ZNF541: variants seen among roughly 807,000 people sequenced by gnomAD.
The protein encoded by ZNF541 is zinc finger protein 541.
Under a neutral mutation model 123.5 loss-of-function variants are expected in ZNF541, and 23 were observed. The ratio of observed to expected loss-of-function variants is 0.19; its 90% CI spans 0.13 to 0.26. The LOEUF (loss-of-function observed/expected upper bound fraction) is 0.26, where lower values mean the gene tolerates loss of function less well. ZNF541 is among the 10% of genes least tolerant of loss of function. The pLI is 1.00. For missense variants in ZNF541, 1,612 were observed against 1,789.9 expected, an observed-to-expected ratio of 0.90 and a Z score of 1.79; for synonymous variants, 751 against 754.5, an observed-to-expected ratio of 1.00 and a Z score of 0.08.
At chr19:47,552,441 T>C (rs182910116) in intron 3 of ZNF541, among the ~76,000 whole-genome samples, 80 of 152,072 alleles carry the variant, frequency 5.3e-4, no homozygotes, top group African/African-American at 1.9e-3. Flanking sequence ...CTATAATGAG[T>C]AGTCAAATAA....
In ZNF541 at chr19:47,545,413, G is replaced by A. The variant is rs780411072; in HGVS notation, c.1116C>T (p.Thr372=). 6.7e-7 allele frequency: 1 copy of A among 1,494,500 alleles called. No individual in the cohort carries two copies. Among genetic ancestry groups the A allele is most frequent in the South Asian group, 1.3e-5 (1 of 76,078 alleles). The allele number at this position is 1,494,500 out of a possible 1,614,324, so 92.6% of individuals were successfully genotyped here. Residue 372 remains threonine, a synonymous_variant, in exon 5 of 17, where the codon ACC becomes ACT. Coordinates refer to ENST00000391901, the MANE Select transcript of ZNF541 (RefSeq NM_001277075.3). This position sits in a 1 kb window ranked among gnomAD's most constrained non-coding sequence, Gnocchi z 7.5. The part of the protein sequence containing the change: ...APDPPEPEPD[T]ALLQARSTAE... ...CGGTGGACCGGGCCTGGAGCAGCGC[G>A]GTATCTGGCTCCGGCTCTGGCGGGT...
intron 12 of ZNF541, among the ~76,000 whole-genome samples, chr19:47,530,433 G>A (rs1300138668): frequency 1.4e-5 from 2 of 144,296 alleles, no homozygotes; most frequent in Admixed American, 7.3e-5. Flanking sequence ...ATCCACCCCC[G>A]CCTTGGCCTC....
Position 47,545,202 on chromosome 19 carries a change from C to G in ZNF541, c.1327G>C (p.Glu443Gln). The change falls in exon 5 of 17, where the codon GAG becomes CAG. Residue 443 changes from glutamate to glutamine, a missense_variant. Glu to Gln is a conservative substitution (Grantham distance 29). This residue lies in a region of ZNF541 where 1,080 missense variants were observed against 1,013.8 expected (regional missense o/e 1.07). Transcript: ENST00000391901. The surrounding 1 kb of genome is among the most constrained non-coding windows in gnomAD (Gnocchi z 7.5). ...VHKPSAVPSR[E>Q]GSESGPGPSS... ...GGTCCCGGGCCAGACTCGGAGCCCTCCCGCGAGGGCACGGCCGAGGGCTTG... is the reference window on the plus strand; with the variant it reads ...GGTCCCGGGCCAGACTCGGAGCCCTGCCGCGAGGGCACGGCCGAGGGCTTG... 1 of 1,526,718 alleles carries G rather than the reference C, an allele frequency of 6.5e-7. No homozygotes were observed. Among genetic ancestry groups the G allele is most frequent in the Non-Finnish European group, 8.8e-7 (1 of 1,135,364 alleles). The allele number at this position is 1,526,718 out of a possible 1,614,324, so 94.6% of individuals were successfully genotyped here. A position where few individuals can be genotyped will look rare whatever the true frequency, so the allele number is the denominator to read the frequency against.
chr19:47,522,143 AC>A, intron 14 of ZNF541, 149 bp from the exon 15 acceptor site: 1 of 1,066,508 alleles, frequency 9.4e-7, no homozygotes, highest in Non-Finnish European at 1.3e-6. Flanking sequence ...AAGGCACAGG[AC>A]CACAAAATCC....
At chr19:47,538,975 A>G (rs1969956654) in intron 8 of ZNF541, among the ~76,000 whole-genome samples, 1 of 151,354 alleles carries the variant, frequency 6.6e-6, no homozygotes, top group Non-Finnish European at 1.5e-5. Flanking sequence ...TGCCAGCCCT[A>G]CTCCTCCTCA....
At chr19:47,538,513 G>C (rs1163012156) in intron 8 of ZNF541, 74 bp from the exon 9 acceptor site, 6 of 1,402,586 alleles carry the variant, frequency 4.3e-6, no homozygotes, top group East Asian at 2.6e-5. Context: ...GATGGAAAGA[G>C]AGCAGGAAAA....
rs2123161156 is a variant in ZNF541 at position 47,545,784 on chromosome 19, G to A, written c.745C>T (p.Pro249Ser). ...AGGGACCGCAGGCTGCTGGGGGGCG[G>A]CTGGCCGGCCGACTCGTGGGCGTGG... Reference protein sequence around the residue: ...SPHAHESAGQPPPSSLRSLVP... With the variant: ...SPHAHESAGQSPPSSLRSLVP... Residue 249 changes from proline to serine, a missense_variant, in exon 5 of 17, where the codon CCG becomes TCG. This residue lies in a region of ZNF541 where 1,080 missense variants were observed against 1,013.8 expected (regional missense o/e 1.07). Coordinates refer to ENST00000391901, the MANE Select transcript of ZNF541 (RefSeq NM_001277075.3). This position sits in a 1 kb window ranked among gnomAD's most constrained non-coding sequence, Gnocchi z 7.5. 2 of 1,540,608 alleles carry A rather than the reference G, an allele frequency of 1.3e-6. No homozygotes were observed. Among genetic ancestry groups the A allele is most frequent in the East Asian group, 2.5e-5 (1 of 40,748 alleles).
rs1361167800 is a variant in ZNF541 at position 47,523,338 on chromosome 19, TTAAAAAAA to T, written c.3571-1352_3571-1345del. On this transcript the variant is annotated intron_variant, in intron 14 of 16. Coordinates refer to ENST00000391901, the MANE Select transcript of ZNF541 (RefSeq NM_001277075.3). ...CCACCGCGCCCGGCGAGCGTCTCTT[TTAAAAAAA>T]AAAAAAAAAAAAAAAAGGAAAAGTT... Among the ~76,000 whole-genome samples, 29 of 118,150 alleles carry T rather than the reference TTAAAAAAA, an allele frequency of 2.5e-4. 1 individual carries two copies. Among genetic ancestry groups the T allele is most frequent in the African/African-American group, 1.4e-3 (29 of 20,080 alleles). The allele number at this position is 118,150 out of a possible 152,430, so 77.5% of individuals were successfully genotyped here.
rs571079552 is a variant in ZNF541, at chr19:47,555,779, C to G, written c.78G>C (p.Gly26=). The change falls in exon 3 of 17, where the codon GGG becomes GGC. Residue 26 remains glycine, a synonymous_variant. Transcript: ENST00000391901. ...MHLPSFSESQ[G]LNCSDTLNRD... is the part of the protein sequence containing the mutation. ...GGTTGAGGGTGTCGCTGCAGTTGAG[C>G]CCTTGGCTCTCTGAAAATGAAGGGA... The G allele has an allele frequency of 1.0e-3, 1,618 of 1,551,678 alleles. No homozygotes were observed. The highest frequency in any genetic ancestry group is 1.4e-3 in the Non-Finnish European group (1,550 of 1,147,002).
In ZNF541 at chr19:47,521,796, A is replaced by T. The variant is rs1195119138; in HGVS notation, c.3711+58T>A. The T allele has an allele frequency of 6.5e-7, 1 of 1,536,874 alleles. No homozygotes were observed. Among genetic ancestry groups the T allele is most frequent in the East Asian group, 2.5e-5 (1 of 40,704 alleles). ...CCCTCTGACCCCACCGTCCAACTCA[A>T]CGGGTAGCAGGCACTGGGAGGAGAG... is the stretch of plus-strand genomic sequence containing the variant. On this transcript the variant is annotated intron_variant, in intron 15 of 16. Transcript: ENST00000391901. The surrounding 1 kb of genome is among the most constrained non-coding windows in gnomAD (Gnocchi z 4.2).
intron 2 of ZNF541, among the ~76,000 whole-genome samples, chr19:47,568,446 C>T (rs961614134): frequency 3.9e-5 from 6 of 151,960 alleles, no homozygotes; most frequent in Non-Finnish European, 5.9e-5. Context: ...CGGATTCAAG[C>T]GATTCTCCCA....
chr19:47,554,997 G>A (rs978110407), intron 3 of ZNF541, among the ~76,000 whole-genome samples: 1 of 151,596 alleles, frequency 6.6e-6, no homozygotes, highest in African/African-American at 2.4e-5. Flanking sequence ...GGGAGGCTGA[G>A]GCAGGAGAAT....
At chr19:47,540,841 G>T in intron 6 of ZNF541, 52 bp downstream of exon 6, 1 of 1,534,578 alleles carries the variant, frequency 6.5e-7, no homozygotes, top group Non-Finnish European at 8.8e-7. Flanking sequence ...GCACAGGAAG[G>T]CCAGAGGACT....
chr19:47,565,161 G>A (rs1971214831), intron 2 of ZNF541, among the ~76,000 whole-genome samples: 1 of 152,066 alleles, frequency 6.6e-6, no homozygotes, highest in Admixed American at 6.6e-5. Flanking sequence ...TGGGGGGAAA[G>A]GGTGGGAGGG....
At chr19:47,526,968 C>T (rs1442968738) in intron 14 of ZNF541, among the ~76,000 whole-genome samples, 2 of 152,334 alleles carry the variant, frequency 1.3e-5, no homozygotes, top group South Asian at 4.1e-4. Flanking sequence ...AACCGTGGTA[C>T]ATCCACCCAG....
intron 2 of ZNF541, among the ~76,000 whole-genome samples, chr19:47,556,760 CTT>C (rs34476455): frequency 1.5e-4 from 20 of 136,586 alleles, no homozygotes; most frequent in Admixed American, 1.5e-4. Flanking sequence ...TTTTCTTTTC[CTT>C]TTTTTTTTTT....
At chr19:47,524,414 A>C (rs1969188433) in intron 14 of ZNF541, among the ~76,000 whole-genome samples, 1 of 152,146 alleles carries the variant, frequency 6.6e-6, no homozygotes, top group Non-Finnish European at 1.5e-5. Flanking sequence ...ATGTTCAAAG[A>C]GTTATGCCAG....
At chr19:47,553,172 G>T (rs1681316701) in intron 3 of ZNF541, among the ~76,000 whole-genome samples, 1 of 152,084 alleles carries the variant, frequency 6.6e-6, no homozygotes, top group African/African-American at 2.4e-5. Context: ...AGAGGAACTA[G>T]CCTGGGAAGT....
chr19:47,571,913 G>C lies in ZNF541; in HGVS notation c.-116C>G, dbSNP rs1170933763. Among the ~76,000 whole-genome samples, 2 of 152,202 alleles carry C rather than the reference G, an allele frequency of 1.3e-5. No individual in the cohort carries two copies. Among genetic ancestry groups the C allele is most frequent in the Non-Finnish European group, 2.9e-5 (2 of 68,034 alleles). On this transcript the variant is annotated 5_prime_UTR_variant, in exon 2 of 17. Coordinates refer to ENST00000391901, the MANE Select transcript of ZNF541 (RefSeq NM_001277075.3). The stretch of plus-strand genomic sequence containing the variant: ...AAACTCACCAGAAGAGCAAGTTAGT[G>C]AATCTCCAGGGAACAGGAGGACCCA...
Sources: allele counts gnomAD v4.1 joint callset (sites outside exome capture counted in the v4.1 genomes callset), GRCh38; gene constraint gnomAD v4.1.1; regional missense constraint gnomAD v4.1.1; non-coding constraint Gnocchi (gnomAD v3.1); transcripts MANE v1.5; gene names NCBI Gene and HGNC (gene_info 2026-07-23, HGNC 2026-07-21).